MEIS3: variants seen among roughly 807,000 people sequenced by gnomAD.
MEIS3 encodes the protein Meis homeobox 3.
Under a neutral mutation model 51.4 loss-of-function variants are expected in MEIS3, and 38 were observed. That is an observed-to-expected ratio of 0.74 (90% CI 0.57 to 0.97). The LOEUF is 0.97. Among genes scored for constraint, MEIS3 ranks in the 50% least tolerant of loss-of-function variants. MEIS3 has a pLI of 0.00. For synonymous variants in MEIS3, 198 were observed against 201.8 expected, an observed-to-expected ratio of 0.98 and a Z score of 0.16; for missense variants, 456 against 502.6, an observed-to-expected ratio of 0.91 and a Z score of 0.89.
At chr19:47,413,086 G>C (rs1239403623) in intron 6 of MEIS3, among the ~76,000 whole-genome samples, 2 of 151,906 alleles carry the variant, frequency 1.3e-5, no homozygotes, top group Non-Finnish European at 2.9e-5. Flanking sequence ...TGCGATTCCT[G>C]TGCGAGTGGG....
Position 47,406,507 on chromosome 19 carries a change from C to A in MEIS3, c.1098G>T (p.Leu366Phe). 5.6e-6 allele frequency: 9 copies of A among 1,613,884 alleles called. No individual in the cohort carries two copies. The highest frequency in any genetic ancestry group is 7.6e-6 in the Non-Finnish European group (9 of 1,179,916). The change falls in exon 12 of 13, where the codon TTG (leucine) becomes TTT (phenylalanine). Residue 366 changes from leucine to phenylalanine, a missense_variant. Physicochemically the swap from Leu to Phe is conservative, Grantham distance 22. Transcript: ENST00000558555. ...VRPPGSVGMS[L>F]NLEGEWHYL ...GATAATGCCATTCTCCTTCCAAGTT[C>A]AAACTCATCCCCACTGATCCTGGAA... is the stretch of plus-strand genomic sequence containing the variant.
chr19:47,417,208 C>G lies in MEIS3; in HGVS notation c.155G>C (p.Gly52Ala). 1.3e-6 allele frequency: 2 copies of G among 1,567,732 alleles called. No homozygotes were observed. Among genetic ancestry groups the G allele is most frequent in the Non-Finnish European group, 1.7e-6 (2 of 1,160,050 alleles). Residue 52 changes from glycine (G) to alanine (A), a missense_variant, in exon 2 of 13, where the codon GGC (glycine) becomes GCC (alanine). Physicochemically the swap from Gly to Ala is moderately conservative, Grantham distance 60. Transcript: ENST00000558555. ...QPLPPGLDSD[G>A]LKREKDEIYG... ...GATCTCATCCTTCTCCCTCTTCAGG[C>G]CGTCGCTGTCCAAGCCTGGGGGCAG...
intron 12 of MEIS3, among the ~76,000 whole-genome samples, chr19:47,405,003 T>C (rs1970749724): frequency 6.6e-6 from 1 of 152,182 alleles, no homozygotes; most frequent in Non-Finnish European, 1.5e-5. Flanking sequence ...CAGATGGCAC[T>C]AGGGAGCCAC....
In MEIS3 at chr19:47,414,776, C is replaced by T. The variant is rs572224868; in HGVS notation, c.538G>A (p.Gly180Ser). The change falls in exon 6 of 13, where the codon GGC (glycine) becomes AGC (serine). Residue 180 changes from glycine to serine, a missense_variant. Gly to Ser is a moderately conservative substitution (Grantham distance 56, BLOSUM62 0). Transcript: ENST00000558555. ...PIDLVIEDRD[G>S]GCREDFEDYP... ...TCCTCGAAGTCCTCCCTGCAGCCGCCGTCCCGATCCTCGATGACCAGGTCG... is the reference window on the plus strand; with the variant it reads ...TCCTCGAAGTCCTCCCTGCAGCCGCTGTCCCGATCCTCGATGACCAGGTCG... 1.3e-5 allele frequency: 21 copies of T among 1,613,454 alleles called. No individual in the cohort carries two copies. The highest frequency in any genetic ancestry group is 5.5e-5 in the South Asian group (5 of 91,016).
In MEIS3 at chr19:47,416,831, G is replaced by A. The variant is rs564791336; in HGVS notation, c.318C>T (p.Asn106=). 2.2e-4 allele frequency: 356 copies of A among 1,613,780 alleles called. No individual in the cohort carries two copies. Among genetic ancestry groups the A allele is most frequent in the South Asian group, 6.6e-4 (60 of 91,094 alleles). The change falls in exon 3 of 13, where the codon AAC becomes AAT. Residue 106 remains asparagine (N), a synonymous_variant. Coordinates refer to ENST00000558555, the MANE Select transcript of MEIS3 (RefSeq NM_001301059.2). ...GCTTGGCAAAGGCAGCGATGTCCTC[G>A]TTGAAGGAATCAGAGGAGCAGACGT... The part of the protein sequence containing the change: ...GGDVCSSDSF[N]EDIAAFAKQV...
At chr19:47,407,982 A>G (rs1487890930) in intron 8 of MEIS3, among the ~76,000 whole-genome samples, 1 of 149,136 alleles carries the variant, frequency 6.7e-6, no homozygotes, top group Non-Finnish European at 1.5e-5. Flanking sequence ...AATTTTTTGT[A>G]TTTTAGTAGA....
chr19:47,415,572 TC>T (rs199866057), intron 4 of MEIS3, among the ~76,000 whole-genome samples: 5,674 of 95,406 alleles, frequency 0.059, 262 homozygotes, highest in Middle Eastern at 0.12. Context: ...TCTCTCTCTC[TC>T]TTTTTTTTTT....
At chr19:47,405,368 G>C (rs561375250) in intron 12 of MEIS3, among the ~76,000 whole-genome samples, 38 of 152,160 alleles carry the variant, frequency 2.5e-4, no homozygotes, top group Non-Finnish European at 5.1e-4. Context: ...GCCCCATCCA[G>C]AGGCCACTTC....
At chr19:47,417,436 AC>A in intron 1 of MEIS3, 86 bp from the exon 2 acceptor site, 1 of 1,478,140 alleles carries the variant, frequency 6.8e-7, no homozygotes, top group Non-Finnish European at 9.4e-7. Flanking sequence ...CTATCCTGGA[AC>A]CCAGGAGATG....
At chr19:47,411,562 A>G (rs1318856591) in intron 6 of MEIS3, among the ~76,000 whole-genome samples, 1 of 142,146 alleles carries the variant, frequency 7.0e-6, no homozygotes, top group Non-Finnish European at 1.5e-5. Context: ...TTTTTTTGAG[A>G]CGGAGTCTCG....
chr19:47,417,376 C>T (rs112760089), intron 1 of MEIS3, 26 bp from the exon 2 acceptor site: 27 of 1,612,326 alleles, frequency 1.7e-5, no homozygotes, highest in Middle Eastern at 1.7e-4. Flanking sequence ...AAGAGAAGGG[C>T]GGAGCCCCAG....
At chr19:47,420,939 C>CAT (rs1971692500), upstream of MEIS3, among the ~76,000 whole-genome samples, 1 of 111,280 alleles carries the variant, frequency 9.0e-6, no homozygotes, top group East Asian at 2.3e-4. Context: ...CACACACACA[C>CAT]ACTCTCTCTC....
chr19:47,410,469 GAAAA>G (rs1248250240), intron 6 of MEIS3, among the ~76,000 whole-genome samples: 1 of 142,168 alleles, frequency 7.0e-6, no homozygotes, highest in Non-Finnish European at 1.5e-5. Context: ...AAAAAAAAAA[GAAAA>G]AGGAAAAGAA....
chr19:47,407,469 C>A (rs1459298716), intron 8 of MEIS3, 41 bp from the exon 9 acceptor site: 1 of 1,613,594 alleles, frequency 6.2e-7, no homozygotes, highest in Non-Finnish European at 8.5e-7. Flanking sequence ...GCCTGGCCGG[C>A]CGCAGTCTGA....
intron 1 of MEIS3, 55 bp from the exon 2 acceptor site, chr19:47,417,405 A>G (rs1971496393): frequency 1.2e-6 from 2 of 1,600,436 alleles, no homozygotes; most frequent in Non-Finnish European, 1.7e-6. Context: ...CAGCACCCCG[A>G]GACTCGGCTG....
At chr19:47,407,675 A>T in intron 8 of MEIS3, 2 of 892,532 alleles carry the variant, frequency 2.2e-6, no homozygotes, top group Admixed American at 3.4e-5. Context: ...AGCTCTGATT[A>T]GAGAGACTGT....
upstream of MEIS3, among the ~76,000 whole-genome samples, chr19:47,421,217 C>T (rs1034264332): frequency 4.6e-5 from 7 of 152,124 alleles, no homozygotes; most frequent in African/African-American, 1.2e-4. Flanking sequence ...CAGGGGTCTC[C>T]GCCCTCTAGC....
In MEIS3 at chr19:47,417,205, A is replaced by G; in HGVS notation, c.158T>C (p.Leu53Pro). 1.3e-6 allele frequency: 2 copies of G among 1,565,736 alleles called. No homozygotes were observed. The highest frequency in any genetic ancestry group is 1.7e-6 in the Non-Finnish European group (2 of 1,159,264). Residue 53 changes from leucine (L) to proline (P), a missense_variant, in exon 2 of 13, where the codon CTG becomes CCG. By Grantham distance (98) the Leu-to-Pro change is moderately conservative. Transcript: ENST00000558555. ...ATAGATCTCATCCTTCTCCCTCTTC[A>G]GGCCGTCGCTGTCCAAGCCTGGGGG... Reference protein sequence around the residue: ...PLPPGLDSDGLKREKDEIYGH... With the variant: ...PLPPGLDSDGPKREKDEIYGH...
intron 4 of MEIS3, among the ~76,000 whole-genome samples, chr19:47,415,568 T>C (rs868248264): frequency 1.5e-5 from 2 of 135,076 alleles, no homozygotes. Context: ...CTTCTCTCTC[T>C]CTCTCTTTTT....
Sources: allele counts gnomAD v4.1 joint callset (sites outside exome capture counted in the v4.1 genomes callset), GRCh38; gene constraint gnomAD v4.1.1; transcripts MANE v1.5; gene names NCBI Gene and HGNC (gene_info 2026-07-23, HGNC 2026-07-21).